TYW1B: variants seen among roughly 807,000 people sequenced by gnomAD.
The protein encoded by TYW1B is tRNA-yW synthesizing protein 1 homolog B, also known as S-adenosyl-L-methionine-dependent tRNA 4-demethylwyosine synthase TYW1B.
In TYW1B, 73 loss-of-function variants were observed where a neutral mutation model predicts 86.9. The observed-to-expected ratio is 0.84, with a 90% CI of 0.70 to 1.02. TYW1B has a LOEUF of 1.02. Among genes scored for constraint, TYW1B ranks in the 50% least tolerant of loss-of-function variants. TYW1B has a pLI of 0.00. For synonymous variants in TYW1B, 248 were observed against 292.8 expected, an observed-to-expected ratio of 0.85 and a Z score of 1.56; for missense variants, 637 against 827.4, an observed-to-expected ratio of 0.77 and a Z score of 2.82.
chr7:72,619,673 A>T (rs1812169828), intron 12 of TYW1B, among the ~76,000 whole-genome samples: 1 of 151,078 alleles, frequency 6.6e-6, no homozygotes, highest in Non-Finnish European at 1.5e-5. Context: ...AAAAGAAATC[A>T]TTACGAAAGC....
At chr7:72,616,095 T>C (rs1258531277) in intron 13 of TYW1B, among the ~76,000 whole-genome samples, 3 of 152,204 alleles carry the variant, frequency 2.0e-5, no homozygotes, top group African/African-American at 7.2e-5. Flanking sequence ...TAGCAAATTA[T>C]TTTAGTGGCC....
chr7:72,686,631 C>T (rs2129570085), intron 11 of TYW1B, among the ~76,000 whole-genome samples: 1 of 152,238 alleles, frequency 6.6e-6, no homozygotes, highest in South Asian at 2.1e-4. Context: ...ATGGTGGATA[C>T]ATGTCACTAT....
intron 7 of TYW1B, among the ~76,000 whole-genome samples, chr7:72,772,453 ATGTC>A (rs1787883949): frequency 6.6e-6 from 1 of 152,218 alleles, no homozygotes; most frequent in African/African-American, 2.4e-5. Context: ...GAAGAACCAG[ATGTC>A]AGTGGGAGAT....
At chr7:72,696,266 A>T (rs1433294897) in intron 10 of TYW1B, among the ~76,000 whole-genome samples, 2 of 151,906 alleles carry the variant, frequency 1.3e-5, no homozygotes, top group African/African-American at 2.4e-5. Flanking sequence ...ACTTTTTCTA[A>T]AGCCTCTCCC....
chr7:72,598,769 G>A (rs1323017762), intron 13 of TYW1B, among the ~76,000 whole-genome samples: 1 of 152,146 alleles, frequency 6.6e-6, no homozygotes, highest in African/African-American at 2.4e-5. Flanking sequence ...TCAAGTGGGG[G>A]TGGGTGCTTG....
intron 10 of TYW1B, among the ~76,000 whole-genome samples, chr7:72,699,254 G>A (rs1554452043): frequency 1.3e-5 from 2 of 152,208 alleles, no homozygotes; most frequent in Non-Finnish European, 2.9e-5. Flanking sequence ...AAGGCCCGCA[G>A]CTGTGAGATG....
At chr7:72,716,527 C>T (rs1435497593) in intron 9 of TYW1B, among the ~76,000 whole-genome samples, 1 of 152,194 alleles carries the variant, frequency 6.6e-6, no homozygotes, top group Non-Finnish European at 1.5e-5. Flanking sequence ...TTATTTTAGA[C>T]ACACTGTTCC....
chr7:72,581,666 C>T (rs1811155116), intron 13 of TYW1B, among the ~76,000 whole-genome samples: 1 of 151,984 alleles, frequency 6.6e-6, no homozygotes, highest in African/African-American at 2.4e-5. Flanking sequence ...ACCATGTTGG[C>T]CAGGCTGGTC....
chr7:72,728,493 G>A (rs1296848974), intron 9 of TYW1B, among the ~76,000 whole-genome samples: 5 of 152,056 alleles, frequency 3.3e-5, no homozygotes, highest in Non-Finnish European at 7.4e-5. Context: ...ATTTAGTAGA[G>A]ACGGGGTTTC....
intron 9 of TYW1B, among the ~76,000 whole-genome samples, chr7:72,721,934 A>G (rs1465836902): frequency 6.6e-6 from 1 of 152,194 alleles, no homozygotes. Context: ...GATAAACCAA[A>G]TAACACACAA....
intron 12 of TYW1B, among the ~76,000 whole-genome samples, chr7:72,626,634 A>C (rs1554438880): frequency 6.6e-6 from 1 of 152,034 alleles, no homozygotes; most frequent in Non-Finnish European, 1.5e-5. Flanking sequence ...TAAGCCAAAA[A>C]CCCAGGTGCT....
chr7:72,625,904 G>GT (rs1563035513), intron 12 of TYW1B, among the ~76,000 whole-genome samples: 2 of 117,928 alleles, frequency 1.7e-5, no homozygotes, highest in Non-Finnish European at 3.4e-5. Flanking sequence ...GGCGGGGGGG[G>GT]GGGAAGAAAG....
chr7:72,711,561 C>T (rs1786669716), intron 10 of TYW1B, among the ~76,000 whole-genome samples: 1 of 147,694 alleles, frequency 6.8e-6, no homozygotes, highest in South Asian at 2.2e-4. Flanking sequence ...GCTCCGCCTC[C>T]CAGGTTCTCA....
At chr7:72,663,633 A>G (rs1813388323) in intron 11 of TYW1B, among the ~76,000 whole-genome samples, 4 of 151,308 alleles carry the variant, frequency 2.6e-5, no homozygotes, top group Admixed American at 2.0e-4. Flanking sequence ...GCGTGGTGGC[A>G]GGCGCCTGTA....
At chr7:72,575,919 A>G (rs1308030616) in intron 13 of TYW1B, among the ~76,000 whole-genome samples, 200 bp from the exon 14 acceptor site, 15 of 152,242 alleles carry the variant, frequency 9.9e-5, no homozygotes, top group African/African-American at 3.6e-4. Flanking sequence ...CAATCACAGG[A>G]GAGCTTCCTT....
At chr7:72,769,060 G>T in intron 7 of TYW1B, 2 of 372,934 alleles carry the variant, frequency 5.4e-6, no homozygotes, top group Non-Finnish European at 1.0e-5. Flanking sequence ...TTATGGGATG[G>T]TGCAAGGAAC....
intron 10 of TYW1B, among the ~76,000 whole-genome samples, chr7:72,703,759 G>A (rs1424947367): frequency 2.2e-4 from 34 of 151,790 alleles, no homozygotes; most frequent in Admixed American, 2.2e-3. Flanking sequence ...GGATGGTGAG[G>A]TGGGAGAATC....
intron 7 of TYW1B, 31 bp from the exon 8 acceptor site, chr7:72,744,632 T>C: frequency 6.2e-7 from 1 of 1,612,150 alleles, no homozygotes; most frequent in Non-Finnish European, 8.5e-7. Flanking sequence ...ACAATTTGAA[T>C]AAAATCGTCA....
intron 6 of TYW1B, among the ~76,000 whole-genome samples, chr7:72,786,573 CTTTTT>C (rs10630508): frequency 8.4e-5 from 9 of 107,452 alleles, no homozygotes; most frequent in Admixed American, 2.0e-4. Context: ...ATTCTTTTTT[CTTTTT>C]TTTTTTTTTT....
Sources: gnomAD v4.1 joint callset for allele counts (sites outside exome capture counted in the v4.1 genomes callset) on GRCh38, gnomAD v4.1.1 for gene constraint, MANE v1.5 for transcripts, NCBI Gene and HGNC (gene_info 2026-07-23, HGNC 2026-07-21) for gene names.